Variants in EPHB1 observed in about 807,000 individuals in gnomAD.
EPHB1 encodes the protein EPH receptor B1, also known as ephrin type-B receptor 1.
In EPHB1, 30 loss-of-function variants were observed where a neutral mutation model predicts 94.4. The ratio of observed to expected loss-of-function variants is 0.32; its 90% CI spans 0.24 to 0.43. EPHB1 has a LOEUF of 0.43. EPHB1 is among the 20% of genes least tolerant of loss of function. EPHB1 has a pLI of 1.00. For missense variants in EPHB1, 1,055 were observed against 1,308.3 expected (o/e 0.81, Z 2.99); for synonymous variants, 522 against 489.1 (o/e 1.07, Z -0.89).
intron 1 of EPHB1, among the ~76,000 whole-genome samples, chr3:134,799,780 C>T (rs1040184027): frequency 3.3e-5 from 5 of 152,068 alleles, no homozygotes; most frequent in Non-Finnish European, 5.9e-5. Context: ...GAATGGGTAC[C>T]GATGACCAAG....
chr3:135,076,255 A>ATATATATATATC (rs1937913270), intron 3 of EPHB1, among the ~76,000 whole-genome samples: 1 of 86,266 alleles, frequency 1.2e-5, no homozygotes, highest in Non-Finnish European at 3.0e-5. Context: ...ATATATATAT[A>ATATATATATATC]TATATAACTC....
chr3:134,892,752 C>A (rs958601610), intron 1 of EPHB1, among the ~76,000 whole-genome samples: 2 of 152,108 alleles, frequency 1.3e-5, no homozygotes, highest in Admixed American at 6.5e-5. Context: ...TCCCTAGGCC[C>A]TTCCTTTTTA....
chr3:134,854,456 T>A (rs2037066491), intron 1 of EPHB1, among the ~76,000 whole-genome samples: 1 of 152,090 alleles, frequency 6.6e-6, no homozygotes, highest in African/African-American at 2.4e-5. Context: ...TGCACCGCAT[T>A]TTGGTGAGAT....
At chr3:135,149,137 C>G (rs531034398) in intron 5 of EPHB1, among the ~76,000 whole-genome samples, 1 of 152,340 alleles carries the variant, frequency 6.6e-6, no homozygotes, top group South Asian at 2.1e-4. Context: ...GAAACTTCAT[C>G]AGGTTCTTTC....
intron 12 of EPHB1, among the ~76,000 whole-genome samples, chr3:135,240,838 T>G (rs989575168): frequency 2.0e-5 from 3 of 152,114 alleles, no homozygotes; most frequent in African/African-American, 7.2e-5. Flanking sequence ...CCAGTGAGTT[T>G]TATGACAGTT....
intron 1 of EPHB1, among the ~76,000 whole-genome samples, chr3:134,798,289 T>C (rs938412140): frequency 1.3e-5 from 2 of 151,776 alleles, no homozygotes; most frequent in African/African-American, 2.4e-5. Flanking sequence ...GGTAAGGAGA[T>C]GTGGCCAGAG....
chr3:134,869,964 G>A (rs1429388276), intron 1 of EPHB1, among the ~76,000 whole-genome samples: 3 of 152,220 alleles, frequency 2.0e-5, no homozygotes, highest in Non-Finnish European at 4.4e-5. Flanking sequence ...GGGCACACAT[G>A]CAAGGCTATT....
intron 3 of EPHB1, among the ~76,000 whole-genome samples, chr3:135,014,734 G>A (rs979331855): frequency 1.1e-4 from 16 of 152,208 alleles, no homozygotes; most frequent in African/African-American, 3.9e-4. Context: ...ATGAGAGCAT[G>A]TGTCATTCAT....
At position 134,925,555 on chromosome 3, in the gene EPHB1, G is replaced by T. The variant is rs781442935; in HGVS notation, c.59-261G>T. On this transcript the variant is annotated intron_variant, in intron 1 of 15. Transcript: ENST00000398015. ...CTTCATCCTACACAGGAGCCTTGGGGTCACCGGGGAGAGAGCACTGGACTT... is the reference window on the plus strand; with the variant it reads ...CTTCATCCTACACAGGAGCCTTGGGTTCACCGGGGAGAGAGCACTGGACTT... Among the ~76,000 whole-genome samples the T allele has an allele frequency of 6.6e-5, 10 of 152,302 alleles. 1 individual carries two copies. Among genetic ancestry groups the T allele is most frequent in the Admixed American group, 5.2e-4 (8 of 15,304 alleles).
chr3:135,069,602 G>A (rs1937637790), intron 3 of EPHB1, among the ~76,000 whole-genome samples: 1 of 152,122 alleles, frequency 6.6e-6, no homozygotes, highest in East Asian at 1.9e-4. Flanking sequence ...AGGTTCTGGG[G>A]GTTTCAGGCC....
At chr3:134,821,741 T>G (rs1400320268) in intron 1 of EPHB1, among the ~76,000 whole-genome samples, 1 of 152,144 alleles carries the variant, frequency 6.6e-6, no homozygotes, top group Non-Finnish European at 1.5e-5. Flanking sequence ...GATTCTTGGG[T>G]GTGAAAAGAT....
At chr3:134,857,593 T>G (rs910821752) in intron 1 of EPHB1, among the ~76,000 whole-genome samples, 3 of 151,974 alleles carry the variant, frequency 2.0e-5, no homozygotes, top group Non-Finnish European at 4.4e-5. Context: ...CTGTGGTTGA[T>G]TGGGGGTGAA....
At position 135,231,351 on chromosome 3, in the gene EPHB1, C is replaced by T. The variant is rs146625816; in HGVS notation, c.2347-9797C>T. ...CAGTCAGTATAGTACAGAAAAATGA[C>T]GTCTGTTTGGTTGAAGATTTTTTTT... On this transcript the variant is annotated intron_variant, in intron 12 of 15. Coordinates refer to ENST00000398015, the MANE Select transcript of EPHB1 (RefSeq NM_004441.5). Among the ~76,000 whole-genome samples, 153 of 152,224 alleles carry T rather than the reference C, an allele frequency of 1.0e-3. 2 individuals are homozygous for T. The highest frequency in any genetic ancestry group is 3.3e-3 in the African/African-American group (137 of 41,520).
intron 3 of EPHB1, among the ~76,000 whole-genome samples, chr3:135,012,215 G>A (rs563479783): frequency 1.5e-3 from 236 of 152,312 alleles, no homozygotes; most frequent in Non-Finnish European, 2.8e-3. Flanking sequence ...GGACAGAGTA[G>A]TGCTCAGCTG....
chr3:135,066,791 T>C (rs1244835907), intron 3 of EPHB1, among the ~76,000 whole-genome samples: 1 of 152,020 alleles, frequency 6.6e-6, no homozygotes, highest in Non-Finnish European at 1.5e-5. Flanking sequence ...ATTACCAGAG[T>C]TGGTTTTCTG....
intron 4 of EPHB1, among the ~76,000 whole-genome samples, chr3:135,115,133 G>A (rs928612165): frequency 6.6e-6 from 1 of 152,190 alleles, no homozygotes; most frequent in African/African-American, 2.4e-5. Flanking sequence ...GTTCCAGAAG[G>A]AGGGGATTAA....
At chr3:134,810,141 A>G (rs1298294091) in intron 1 of EPHB1, among the ~76,000 whole-genome samples, 2 of 152,224 alleles carry the variant, frequency 1.3e-5, no homozygotes, top group Non-Finnish European at 2.9e-5. Flanking sequence ...TAGGAGATAA[A>G]TCTTCTCACC....
chr3:134,941,139 G>A (rs1312084023), intron 2 of EPHB1, among the ~76,000 whole-genome samples: 1 of 152,214 alleles, frequency 6.6e-6, no homozygotes, highest in African/African-American at 2.4e-5. Context: ...AGCGGGCCTG[G>A]TGTGGGGTGG....
intron 9 of EPHB1, among the ~76,000 whole-genome samples, chr3:135,178,965 A>G (rs569000406): frequency 6.2e-4 from 94 of 152,254 alleles, no homozygotes; most frequent in African/African-American, 2.2e-3. Flanking sequence ...CGTATCAAAC[A>G]TGTTGAAAAA....
Sources: allele counts gnomAD v4.1 joint callset (sites outside exome capture counted in the v4.1 genomes callset), GRCh38; gene constraint gnomAD v4.1.1; transcripts MANE v1.5; gene names NCBI Gene and HGNC (gene_info 2026-07-23, HGNC 2026-07-21).